IGSF1: variants seen among roughly 807,000 people sequenced by gnomAD.
IGSF1 encodes immunoglobulin-like domain-containing protein 1.
Under a neutral mutation model 95.3 loss-of-function variants are expected in IGSF1, and 40 were observed. The ratio of observed to expected loss-of-function variants is 0.42; its 90% CI spans 0.33 to 0.55. The LOEUF (loss-of-function observed/expected upper bound fraction) is 0.55. IGSF1 is among the 20% of genes least tolerant of loss of function. IGSF1 has a pLI of 0.10. For missense variants in IGSF1, 906 were observed against 1,025.4 expected (o/e 0.88, Z 1.59); for synonymous variants, 372 against 382.9 (o/e 0.97, Z 0.33).
At chrX:131,284,787 A>G in intron 5 of IGSF1, 1 of 849,601 alleles carries the variant, frequency 1.2e-6, no homozygotes, top group Non-Finnish European at 1.4e-6. Flanking sequence ...AATAACAATT[A>G]CAAATAAAAT....
intron 3 of IGSF1, among the ~76,000 whole-genome samples, 155 bp downstream of exon 3, chrX:131,286,282 C>G (rs919311159): frequency 1.8e-5 from 2 of 111,096 alleles, no homozygotes; most frequent in African/African-American, 6.5e-5. Flanking sequence ...TGAGATAAAG[C>G]TTTTTCACCA....
In IGSF1 at chrX:131,275,688, G is replaced by A. The variant is rs2080464837; in HGVS notation, c.2974C>T (p.Arg992Ter). 8.3e-7 allele frequency: 1 copy of A among 1,208,619 alleles called. No homozygotes were observed. Among genetic ancestry groups the A allele is most frequent in the Non-Finnish European group, 1.1e-6 (1 of 894,119 alleles). The part of the protein sequence containing the change: ...PMGQNVTLWC[R>*]GPVHGVGYIL... Reference sequence around the variant, plus strand: ...TATCCTACTCCATGGACCGGCCCTCGGCACCAGAGAGTAACATTCTGCCCC... The same window carrying A: ...TATCCTACTCCATGGACCGGCCCTCAGCACCAGAGAGTAACATTCTGCCCC... The change falls in exon 16 of 20, where the codon CGA becomes TGA. Residue 992 changes from arginine (R) to a stop codon, truncating the protein, a stop_gained. Transcript: ENST00000361420. LOFTEE classifies it high-confidence loss of function.
Position 131,278,093 on chromosome X carries a change from G to A in IGSF1, c.2083C>T (p.Arg695Trp), listed in dbSNP as rs1263711428. ...KPVISASPTI[R>W]GQELQLRCKG... ...CACCGGAGTTGTAGTTCCTGGCCCCGGATTGTGGGGGAAGCAGAAATGACA... is the reference window on the plus strand; with the variant it reads ...CACCGGAGTTGTAGTTCCTGGCCCCAGATTGTGGGGGAAGCAGAAATGACA... The change falls in exon 13 of 20, where the codon CGG (arginine) becomes TGG (tryptophan). Residue 695 changes from arginine to tryptophan, a missense_variant. Around this residue, in one of 5 missense-constraint regions of IGSF1, gnomAD observed 411 missense variants for 494.9 expected, o/e 0.83. Transcript: ENST00000361420. The A allele has an allele frequency of 5.0e-6, 6 of 1,210,689 alleles. No individual in the cohort carries two copies. The highest frequency in any genetic ancestry group is 3.0e-5 in the East Asian group (1 of 33,815).
rs2080459344 is a variant in IGSF1, at chrX:131,275,171, C to T, written c.3300G>A (p.Lys1100=). Reference sequence around the variant, plus strand: ...GCTCTAAAGGCTCCTGAGCCCCCTCCTTCAACAGGACAAATGTTGAGTCTG... The same window carrying T: ...GCTCTAAAGGCTCCTGAGCCCCCTCTTTCAACAGGACAAATGTTGAGTCTG... The part of the protein sequence containing the change: ...ELPDSTFVLL[K]EGAQEPLEQQ... The change falls in exon 17 of 20, where the codon AAG becomes AAA. Residue 1100 remains lysine, a synonymous_variant. Transcript: ENST00000361420. 5 of 1,210,178 alleles carry T rather than the reference C, an allele frequency of 4.1e-6. No individual in the cohort carries two copies. The South Asian group carries it at 5.3e-5, about 13-fold the overall frequency.
chrX:131,281,435 T>C, intron 8 of IGSF1, 97 bp from the exon 9 acceptor site: 1 of 1,039,348 alleles, frequency 9.6e-7, no homozygotes, highest in Non-Finnish European at 1.3e-6. Context: ...TGACAGTGCT[T>C]ATATTGAGAA....
intron 9 of IGSF1, among the ~76,000 whole-genome samples, chrX:131,280,265 G>A (rs994652589): frequency 2.7e-5 from 3 of 111,394 alleles, no homozygotes; most frequent in Admixed American, 9.5e-5. Context: ...AACTCAAAGG[G>A]TGGTGGTTTT....
rs2080449634 is a variant in IGSF1, at chrX:131,274,210, T to C, written c.3752-4A>G. The C allele has an allele frequency of 8.3e-7, 1 of 1,210,909 alleles. No homozygotes were observed. The highest frequency in any genetic ancestry group is 1.1e-6 in the Non-Finnish European group (1 of 895,176). ...GTGCACTCCTGAGCAACAGGCCCTG[T>C]GGTGATGAAAGAGGAGAAACCGAGG... On this transcript the variant is annotated splice_region_variant and splice_polypyrimidine_tract_variant and intron_variant, in intron 18 of 19. Transcript: ENST00000361420.
At chrX:131,281,594 A>G (rs2080560027) in intron 8 of IGSF1, 72 bp downstream of exon 8, 1 of 1,102,333 alleles carries the variant, frequency 9.1e-7, no homozygotes, top group South Asian at 2.1e-5. Flanking sequence ...TCCCTTTCCC[A>G]TATCTTTCTG....
rs766142659 is a variant in IGSF1, at chrX:131,278,723, C to T, written c.1779G>A (p.Glu593=). 1.7e-6 allele frequency: 2 copies of T among 1,211,349 alleles called. No homozygotes were observed. The highest frequency in any genetic ancestry group is 2.3e-4 in the Middle Eastern group (1 of 4,345). The stretch of plus-strand genomic sequence containing the variant: ...GAGGAAAGTTGGTCTCTGCCCACAG[C>T]TCAGGCTTAGGGGTTGGCATGACTA... ...TEIVMPTPKP[E]LWAETNFPLA... Residue 593 remains glutamate (E), a synonymous_variant, in exon 12 of 20, where the codon GAG becomes GAA. Coordinates refer to ENST00000361420, the MANE Select transcript of IGSF1 (RefSeq NM_001555.5).
At chrX:131,279,495 A>G (rs776255932) in intron 9 of IGSF1, among the ~76,000 whole-genome samples, 154 bp from the exon 10 acceptor site, 3 of 110,822 alleles carry the variant, frequency 2.7e-5, no homozygotes, top group South Asian at 7.7e-4. Context: ...GACATCAATG[A>G]CTTTTCTTTT....
rs975799996 is a variant in IGSF1, at chrX:131,286,453, C to G, written c.81G>C (p.Leu27=). The G allele has an allele frequency of 8.3e-7, 1 of 1,203,972 alleles. No homozygotes were observed. Among genetic ancestry groups the G allele is most frequent in the South Asian group, 1.8e-5 (1 of 56,791 alleles). Residue 27 remains leucine (L), a synonymous_variant, in exon 3 of 20, where the codon CTG becomes CTC. Coordinates refer to ENST00000361420, the MANE Select transcript of IGSF1 (RefSeq NM_001555.5). ...TVLLFCIRMS[L]GMTSIVMDPQ... ...CTCACTTACCTATTGATGTCATACC[C>G]AGACTCATCCCTGAAAAGAGAGATT... is the stretch of plus-strand genomic sequence containing the variant.
At position 131,275,488 on chromosome X, in the gene IGSF1, G is replaced by C; in HGVS notation, c.3174C>G (p.Leu1058=). 1 of 1,209,121 alleles carries C rather than the reference G, an allele frequency of 8.3e-7. No individual in the cohort carries two copies. The highest frequency in any genetic ancestry group is 1.1e-6 in the Non-Finnish European group (1 of 893,538). ...IKIQPSNTLE[L]LVTGLLPKPS... is the part of the protein sequence containing the mutation. ...GCCTCTTCCCCTTACCTGTGACTAGGAGTTCCAGGGTGTTGCTAGGTTGTA... is the reference window on the plus strand; with the variant it reads ...GCCTCTTCCCCTTACCTGTGACTAGCAGTTCCAGGGTGTTGCTAGGTTGTA... The change falls in exon 16 of 20, where the codon CTC becomes CTG. Residue 1058 remains leucine, a synonymous_variant. Coordinates refer to ENST00000361420, the MANE Select transcript of IGSF1 (RefSeq NM_001555.5).
At chrX:131,279,197 G>C in intron 10 of IGSF1, 22 bp from the exon 11 acceptor site, 1 of 1,210,995 alleles carries the variant, frequency 8.3e-7, no homozygotes, top group Non-Finnish European at 1.1e-6. Flanking sequence ...ATTGCTGCCA[G>C]GACTCGGCCC....
chrX:131,274,953 A>G (rs2080457612), intron 17 of IGSF1, 46 bp downstream of exon 17: 9 of 1,199,353 alleles, frequency 7.5e-6, no homozygotes, highest in Non-Finnish European at 9.0e-6. Flanking sequence ...GCTTACTGCT[A>G]AAAACTACAA....
chrX:131,279,820 C>T (rs756363732), intron 9 of IGSF1, among the ~76,000 whole-genome samples: 7 of 111,557 alleles, frequency 6.3e-5, no homozygotes, highest in Non-Finnish European at 1.1e-4. Flanking sequence ...ACCCACCTGC[C>T]TCACCTGCCT....
At position 131,278,575 on chromosome X, in the gene IGSF1, C is replaced by T. The variant is rs757080190; in HGVS notation, c.1927G>A (p.Ala643Thr). 3.3e-6 allele frequency: 4 copies of T among 1,211,621 alleles called. No homozygotes were observed. Among genetic ancestry groups the T allele is most frequent in the Admixed American group, 4.3e-5 (2 of 46,100 alleles). ...GTCAGGGCGCCAAGGGGGAAGGCAGCCCGGACCTGCTCTGAGGCCGGGCGA... is the reference window on the plus strand; with the variant it reads ...GTCAGGGCGCCAAGGGGGAAGGCAGTCCGGACCTGCTCTGAGGCCGGGCGA... Reference protein sequence around the residue: ...ATRPASEQVRAAFPLGALTQS... With the variant: ...ATRPASEQVRTAFPLGALTQS... Residue 643 changes from alanine (A) to threonine (T), a missense_variant, in exon 12 of 20, where the codon GCT becomes ACT. Transcript: ENST00000361420.
chrX:131,274,045 G>T (rs2124075043), intron 19 of IGSF1, 38 bp downstream of exon 19: 1 of 1,208,534 alleles, frequency 8.3e-7, no homozygotes, highest in South Asian at 1.8e-5. Flanking sequence ...AGCACCACCT[G>T]GTTCACAGAA....
chrX:131,281,455 G>C, intron 8 of IGSF1, 117 bp from the exon 9 acceptor site: 1 of 959,208 alleles, frequency 1.0e-6, no homozygotes, highest in Non-Finnish European at 1.5e-6. Context: ...AGGTGAGGCA[G>C]AAGTGGCCTT....
At position 131,276,399 on chromosome X, in the gene IGSF1, CCACT is replaced by C. The variant is rs1165991892; in HGVS notation, c.2609-155_2609-152del. Reference sequence around the variant, plus strand: ...AACTAATGAAGGAAACACAATTCTACCACTCAAAGATAAATATTTTTAATATTTA... The same window carrying C: ...AACTAATGAAGGAAACACAATTCTACCAAAGATAAATATTTTTAATATTTA... On this transcript the variant is annotated intron_variant, in intron 14 of 19. Coordinates refer to ENST00000361420, the MANE Select transcript of IGSF1 (RefSeq NM_001555.5). 2.2e-5 allele frequency: 10 copies of C among 455,015 alleles called. No individual in the cohort carries two copies. The South Asian group carries it at 2.9e-4, about 13-fold the overall frequency. 37.5% of individuals were successfully genotyped at this position (455,015 alleles called of 1,213,427 possible).
Sources: allele counts gnomAD v4.1 joint callset (sites outside exome capture counted in the v4.1 genomes callset), GRCh38; gene constraint gnomAD v4.1.1; regional missense constraint gnomAD v4.1.1; transcripts MANE v1.5; gene names NCBI Gene and HGNC (gene_info 2026-07-23, HGNC 2026-07-21).